POU6F2: variants seen among roughly 807,000 people sequenced by gnomAD.
POU6F2 encodes the protein POU domain, class 6, transcription factor 2.
Under a neutral mutation model 71.3 loss-of-function variants are expected in POU6F2, and 31 were observed. That is an observed-to-expected ratio of 0.43 (90% confidence interval 0.33 to 0.59). The LOEUF is 0.59. Ranked by LOEUF, POU6F2 falls within the 20% of genes least tolerant of loss-of-function variation. POU6F2 has a pLI of 0.04. For synonymous variants in POU6F2, 347 were observed against 355.7 expected, an observed-to-expected ratio of 0.98 and a Z score of 0.27; for missense variants, 783 against 856.8, an observed-to-expected ratio of 0.91 and a Z score of 1.07.
chr7:39,104,277 CA>C (rs756317544), intron 2 of POU6F2, among the ~76,000 whole-genome samples: 15 of 152,230 alleles, frequency 9.9e-5, no homozygotes, highest in Non-Finnish European at 1.5e-5. Context: ...TACATGATGA[CA>C]ACATTCATTT....
chr7:38,991,199 AT>A (rs1788595494), intron 1 of POU6F2, among the ~76,000 whole-genome samples: 1 of 152,148 alleles, frequency 6.6e-6, no homozygotes, highest in African/African-American at 2.4e-5. Context: ...ACCAATTATT[AT>A]TTATGTTTAG....
intron 4 of POU6F2, among the ~76,000 whole-genome samples, chr7:39,237,314 C>T (rs1794693000): frequency 1.3e-5 from 2 of 152,168 alleles, no homozygotes; most frequent in African/African-American, 4.8e-5. Flanking sequence ...TTGATTTCTG[C>T]TTTTCCCCTG....
chr7:39,253,695 G>A (rs1181620783), intron 4 of POU6F2, among the ~76,000 whole-genome samples: 2 of 152,126 alleles, frequency 1.3e-5, no homozygotes, highest in African/African-American at 4.8e-5. Context: ...GTAGAGGAGG[G>A]CACAGAGCAG....
rs536532571 is a variant in POU6F2 at position 39,078,367 on chromosome 7, A to G, written c.106-7493A>G. On this transcript the variant is annotated intron_variant, in intron 1 of 9. Coordinates refer to ENST00000518318, the MANE Select transcript of POU6F2 (RefSeq NM_001370959.1). ...ATTAATATTCTCTGCTTGCATACAA[A>G]GGTGGGGAAGGTCTCCAAAATATTT... is the stretch of plus-strand genomic sequence containing the variant. Among the ~76,000 whole-genome samples the G allele has an allele frequency of 2.6e-4, 39 of 152,326 alleles. 1 individual carries two copies. The South Asian group carries it at 5.8e-3, about 23-fold the overall frequency.
chr7:39,038,111 A>G (rs1790106192), intron 1 of POU6F2, among the ~76,000 whole-genome samples: 2 of 152,062 alleles, frequency 1.3e-5, no homozygotes, highest in South Asian at 2.1e-4. Context: ...ATTAAGGAAT[A>G]AAATGGTTTG....
intron 2 of POU6F2, among the ~76,000 whole-genome samples, chr7:39,165,996 C>T (rs905897564): frequency 6.6e-6 from 1 of 152,142 alleles, no homozygotes; most frequent in Non-Finnish European, 1.5e-5. Context: ...TTCCTTCTCC[C>T]TACTCTAGGA....
chr7:39,459,374 G>A (rs1227484593), intron 8 of POU6F2, among the ~76,000 whole-genome samples: 5 of 152,168 alleles, frequency 3.3e-5, no homozygotes, highest in Non-Finnish European at 7.3e-5. Flanking sequence ...GAAGCTCCAA[G>A]CTCCCCACAG....
intron 2 of POU6F2, among the ~76,000 whole-genome samples, chr7:39,185,803 ATATATGTATATGTATATG>A (rs200793063): frequency 0.26 from 37,326 of 141,794 alleles, 5,004 homozygotes; most frequent in Admixed American, 0.36. Context: ...GTATACATAT[ATATATGTATATGTATATG>A]TATATGTATA....
At chr7:39,324,107 C>CAA (rs70977473) in intron 4 of POU6F2, among the ~76,000 whole-genome samples, 14,475 of 70,420 alleles carry the variant, frequency 0.21, 955 homozygotes, top group Middle Eastern at 0.31. Flanking sequence ...AACTACATCT[C>CAA]AAAAAAAAAA....
intron 6 of POU6F2, among the ~76,000 whole-genome samples, chr7:39,409,908 C>T (rs1320437891): frequency 6.6e-6 from 1 of 152,120 alleles, no homozygotes; most frequent in African/African-American, 2.4e-5. Flanking sequence ...TTTTCCCCAA[C>T]CAGTAGTTAT....
chr7:39,240,900 G>C (rs1301406538), intron 4 of POU6F2, among the ~76,000 whole-genome samples: 1 of 152,104 alleles, frequency 6.6e-6, no homozygotes, highest in Non-Finnish European at 1.5e-5. Flanking sequence ...TCAAAAGGGA[G>C]ACAGCATCTT....
intron 4 of POU6F2, among the ~76,000 whole-genome samples, chr7:39,334,672 G>A (rs888985476): frequency 6.6e-6 from 1 of 152,154 alleles, no homozygotes; most frequent in Non-Finnish European, 1.5e-5. Context: ...GACACCAGAA[G>A]GGGTTTCTGA....
intron 1 of POU6F2, among the ~76,000 whole-genome samples, chr7:38,989,379 T>C: frequency 6.6e-6 from 1 of 152,002 alleles, no homozygotes; most frequent in Non-Finnish European, 1.5e-5. Context: ...TAATTAAAAC[T>C]ATTCTTTTAT....
At chr7:39,392,450 A>G (rs200949824) in intron 5 of POU6F2, among the ~76,000 whole-genome samples, 1 of 152,194 alleles carries the variant, frequency 6.6e-6, no homozygotes, top group East Asian at 1.9e-4. Flanking sequence ...GGTCTGCTTC[A>G]GAGAAGCTGA....
At chr7:39,043,264 G>A (rs1790226075) in intron 1 of POU6F2, among the ~76,000 whole-genome samples, 1 of 151,678 alleles carries the variant, frequency 6.6e-6, no homozygotes, top group Non-Finnish European at 1.5e-5. Flanking sequence ...AAAATACACT[G>A]GGAAAAAAAA....
At chr7:39,440,109 T>C (rs1379783938) in intron 7 of POU6F2, among the ~76,000 whole-genome samples, 1 of 152,214 alleles carries the variant, frequency 6.6e-6, no homozygotes, top group African/African-American at 2.4e-5. Context: ...CTGGCTGCCC[T>C]TAACAGTTTT....
chr7:39,340,841 A>T (rs887652681), intron 5 of POU6F2, among the ~76,000 whole-genome samples: 1 of 122,942 alleles, frequency 8.1e-6, no homozygotes, highest in Admixed American at 8.5e-5. Context: ...TCAAAACATA[A>T]TGACTGTGAT....
chr7:39,336,333 A>G (rs562010564), intron 4 of POU6F2, among the ~76,000 whole-genome samples: 2 of 152,278 alleles, frequency 1.3e-5, no homozygotes, highest in African/African-American at 2.4e-5. Flanking sequence ...AGAGCCTGGC[A>G]TCCACTCCTC....
chr7:39,114,411 C>A (rs1402212388), intron 2 of POU6F2, among the ~76,000 whole-genome samples: 2 of 152,126 alleles, frequency 1.3e-5, no homozygotes, highest in African/African-American at 4.8e-5. Context: ...CTTAAAACCC[C>A]TTTAAGTGAA....
Sources: allele counts gnomAD v4.1 joint callset (sites outside exome capture counted in the v4.1 genomes callset), GRCh38; gene constraint gnomAD v4.1.1; transcripts MANE v1.5; gene names NCBI Gene and HGNC (gene_info 2026-07-23, HGNC 2026-07-21).